The following PLCL1 variants were observed in gnomAD, a reference collection of about 807,000 sequenced individuals.
PLCL1 encodes the protein phospholipase C like 1 (inactive).
In PLCL1, 41 loss-of-function variants were observed where a neutral mutation model predicts 84.4. The observed-to-expected ratio is 0.49, with a 90% CI of 0.38 to 0.63. The LOEUF is 0.63. PLCL1 is among the 30% of genes least tolerant of loss of function. The pLI is 0.00. For missense variants in PLCL1, 1,206 were observed against 1,367.8 expected (o/e 0.88, Z 1.87); for synonymous variants, 490 against 488.3 (o/e 1.00, Z -0.05).
chr2:198,142,152 AT>A (rs572646246), intron 5 of PLCL1, among the ~76,000 whole-genome samples: 1 of 152,064 alleles, frequency 6.6e-6, no homozygotes, highest in Non-Finnish European at 1.5e-5. Flanking sequence ...GGAGGACTGC[AT>A]TTTTTTGGTA....
In PLCL1 at chr2:197,805,249, ACTG is replaced by A. The variant is rs752065199; in HGVS notation, c.152_154del (p.Leu51del). The A allele has an allele frequency of 3.2e-6, 4 of 1,269,652 alleles. No homozygotes were observed. The South Asian group carries it at 8.5e-5, about 27-fold the overall frequency. 78.6% of individuals were successfully genotyped at this position (1,269,652 alleles called of 1,614,324 possible). Reference sequence around the variant, plus strand: ...TGAGGGACCGTCGCAGCGGGGTCGCACTGCCAGGCGCCGCGGGGACCCCAGCGG... The same window carrying A: ...TGAGGGACCGTCGCAGCGGGGTCGCACCAGGCGCCGCGGGGACCCCAGCGG... On this transcript the variant is annotated inframe_deletion, in exon 1 of 6. Coordinates refer to ENST00000428675, the MANE Select transcript of PLCL1 (RefSeq NM_006226.4). The surrounding 1 kb of genome is among the most constrained non-coding windows in gnomAD (Gnocchi z 4.0).
At chr2:197,922,393 A>T (rs1250674349) in intron 1 of PLCL1, among the ~76,000 whole-genome samples, 1 of 103,300 alleles carries the variant, frequency 9.7e-6, no homozygotes, top group Non-Finnish European at 2.0e-5. Context: ...ACAAAATGAA[A>T]AGTCTCCCAT....
intron 1 of PLCL1, among the ~76,000 whole-genome samples, chr2:197,961,624 C>A (rs969075677): frequency 9.3e-5 from 9 of 96,742 alleles, no homozygotes; most frequent in African/African-American, 4.8e-4. Flanking sequence ...TGCTTTTCTG[C>A]TAGGAACTGT....
chr2:197,855,260 T>C (rs1687308842), intron 1 of PLCL1, among the ~76,000 whole-genome samples: 2 of 152,176 alleles, frequency 1.3e-5, no homozygotes, highest in African/African-American at 2.4e-5. Context: ...TGTAAGTAAA[T>C]CCCACTCTTC....
At chr2:198,024,341 A>G (rs1395801422) in intron 1 of PLCL1, among the ~76,000 whole-genome samples, 2 of 152,152 alleles carry the variant, frequency 1.3e-5, no homozygotes, top group African/African-American at 4.8e-5. Context: ...GCACATATAT[A>G]CCTATGTAAC....
chr2:197,818,155 A>G lies in PLCL1; in HGVS notation c.240+12816A>G, dbSNP rs141894055. ...GTGGCACCTTCAGTATGATAGATTT[A>G]CCAATAGGGAGAAATGACCTGACAA... On this transcript the variant is annotated intron_variant, in intron 1 of 5. Transcript: ENST00000428675. Among the ~76,000 whole-genome samples, 8 of 152,216 alleles carry G rather than the reference A, an allele frequency of 5.3e-5. No homozygotes were observed. The East Asian group carries it at 1.5e-3, about 29-fold the overall frequency.
chr2:197,961,959 C>T (rs749379074), intron 1 of PLCL1, among the ~76,000 whole-genome samples: 1 of 151,930 alleles, frequency 6.6e-6, no homozygotes, highest in Non-Finnish European at 1.5e-5. Flanking sequence ...TAATTAGTAA[C>T]AAAAATAATT....
intron 1 of PLCL1, among the ~76,000 whole-genome samples, chr2:197,977,289 C>T (rs1353270388): frequency 6.6e-6 from 1 of 152,048 alleles, no homozygotes; most frequent in African/African-American, 2.4e-5. Context: ...CGCCCCCTCA[C>T]CTAACCCCCT....
Position 198,088,932 on chromosome 2 carries a change from G to C in PLCL1, c.2790G>C (p.Leu930=), listed in dbSNP as rs902770736. ...IASLKQCLLT[L]SSRLITSDNT... ...GTCTGAAGCAGTGCCTGTTAACTCT[G>C]TCATCTCGGCTCATCACCAGTGACA... Residue 930 remains leucine (L), a synonymous_variant, in exon 3 of 6, where the codon CTG becomes CTC. Transcript: ENST00000428675. The C allele has an allele frequency of 1.1e-5, 18 of 1,612,980 alleles. No homozygotes were observed. Among genetic ancestry groups the C allele is most frequent in the Non-Finnish European group, 1.4e-5 (17 of 1,178,988 alleles).
chr2:198,101,534 G>A (rs1693336559), intron 4 of PLCL1, among the ~76,000 whole-genome samples, 174 bp downstream of exon 4: 1 of 151,842 alleles, frequency 6.6e-6, no homozygotes, highest in Non-Finnish European at 1.5e-5. Flanking sequence ...TAGTACAGAT[G>A]AAATCCAAGT....
At chr2:198,064,894 C>T (rs565787980) in intron 1 of PLCL1, among the ~76,000 whole-genome samples, 42 of 152,132 alleles carry the variant, frequency 2.8e-4, no homozygotes, top group African/African-American at 4.1e-4. Flanking sequence ...TTCAGTGGAC[C>T]GTTTGGTATA....
intron 1 of PLCL1, among the ~76,000 whole-genome samples, chr2:197,931,917 T>C (rs1297810514): frequency 6.6e-6 from 1 of 152,216 alleles, no homozygotes; most frequent in African/African-American, 2.4e-5. Context: ...CTGTGGTCAT[T>C]TTACATAATT....
rs1402779224 is a variant in PLCL1 at position 197,923,197 on chromosome 2, G to A, written c.240+117858G>A. ...CACCTCCCGGACGGGGCGGCTGGCC[G>A]GGCGGGGGGCTGACCCCCCACCTCC... On this transcript the variant is annotated intron_variant, in intron 1 of 5. Coordinates refer to ENST00000428675, the MANE Select transcript of PLCL1 (RefSeq NM_006226.4). Among the ~76,000 whole-genome samples the A allele has an allele frequency of 1.2e-3, 175 of 144,696 alleles. No homozygotes were observed. The South Asian group carries it at 0.033, about 27-fold the overall frequency. The allele number at this position is 144,696 out of a possible 152,430, so 94.9% of individuals were successfully genotyped here. A position where few individuals can be genotyped will look rare whatever the true frequency, so the allele number is the denominator to read the frequency against.
intron 1 of PLCL1, among the ~76,000 whole-genome samples, chr2:197,842,326 A>T (rs571395289): frequency 6.6e-6 from 1 of 151,994 alleles, no homozygotes; most frequent in Non-Finnish European, 1.5e-5. Flanking sequence ...ATCTCTGGGA[A>T]CCCTACTCTT....
intron 1 of PLCL1, among the ~76,000 whole-genome samples, chr2:198,067,434 G>A (rs1375258870): frequency 6.6e-6 from 1 of 152,160 alleles, no homozygotes; most frequent in African/African-American, 2.4e-5. Context: ...GGCCTTTGTG[G>A]CCCTCTTTTT....
intron 1 of PLCL1, among the ~76,000 whole-genome samples, chr2:197,924,939 C>G (rs1383909822): frequency 6.6e-6 from 1 of 152,028 alleles, no homozygotes; most frequent in African/African-American, 2.4e-5. Context: ...TAGCTGATTC[C>G]CTACCCATTT....
intron 5 of PLCL1, among the ~76,000 whole-genome samples, chr2:198,143,801 A>G (rs1425334554): frequency 6.6e-6 from 1 of 152,206 alleles, no homozygotes; most frequent in East Asian, 1.9e-4. Flanking sequence ...CTTCATAAAA[A>G]AAGAGAAAAC....
chr2:197,937,727 A>G (rs981970231), intron 1 of PLCL1, among the ~76,000 whole-genome samples: 5 of 152,248 alleles, frequency 3.3e-5, no homozygotes, highest in South Asian at 2.1e-4. Flanking sequence ...AACAAACATA[A>G]ACTATACACA....
rs1316860962 is a variant in PLCL1, at chr2:197,836,188, TCCTTA to T, written c.240+30854_240+30858del. Among the ~76,000 whole-genome samples the T allele has an allele frequency of 2.0e-5, 3 of 152,054 alleles. No individual in the cohort carries two copies. In the East Asian group the frequency reaches 5.8e-4, roughly 29 times the overall value. On this transcript the variant is annotated intron_variant, in intron 1 of 5. Coordinates refer to ENST00000428675, the MANE Select transcript of PLCL1 (RefSeq NM_006226.4). ...TTAAAATTATTTTGTTTGTAAAAAA[TCCTTA>T]CCTTTACTTTGGGAGGCCGAGGCGG... is the stretch of plus-strand genomic sequence containing the variant.
Sources: allele counts gnomAD v4.1 joint callset (sites outside exome capture counted in the v4.1 genomes callset), GRCh38; gene constraint gnomAD v4.1.1; non-coding constraint Gnocchi (gnomAD v3.1); transcripts MANE v1.5; gene names NCBI Gene and HGNC (gene_info 2026-07-23, HGNC 2026-07-21).